NAT2: variants seen among roughly 807,000 people sequenced by gnomAD.
NAT2 encodes N-acetyltransferase 2.
For synonymous variants in NAT2, 137 were observed against 125.9 expected, an observed-to-expected ratio of 1.09 and a Z score of -0.59; for missense variants, 428 against 339.1, an observed-to-expected ratio of 1.26 and a Z score of -2.06.
upstream of NAT2, among the ~76,000 whole-genome samples, chr8:18,386,464 G>A (rs1345050798): frequency 6.6e-6 from 1 of 152,156 alleles, no homozygotes; most frequent in East Asian, 1.9e-4. Context: ...ATAAAAGAAT[G>A]AGACTCAAAC....
chr8:18,389,071 A>C (rs1800553802), upstream of NAT2, among the ~76,000 whole-genome samples: 2 of 152,130 alleles, frequency 1.3e-5, no homozygotes, highest in South Asian at 2.1e-4. Context: ...TCCTCATCTC[A>C]TAGTTTCCCA....
At chr8:18,387,328 A>C (rs1469542217), upstream of NAT2, 1 of 151,926 alleles carries the variant, frequency 6.6e-6, no homozygotes, top group East Asian at 1.9e-4. Context: ...GGCGTTCCGG[A>C]TTGTCGCGCC....
chr8:18,386,669 A>G (rs1278395521), upstream of NAT2, among the ~76,000 whole-genome samples: 3 of 152,094 alleles, frequency 2.0e-5, no homozygotes, highest in African/African-American at 7.2e-5. Context: ...GCCCCTGTGA[A>G]CACGGGCAGG....
In NAT2 at chr8:18,400,298, A is replaced by G. The variant is rs764673578; in HGVS notation, c.295A>G (p.Asn99Asp). 1 of 1,613,792 alleles carries G rather than the reference A, an allele frequency of 6.2e-7. No individual in the cohort carries two copies. The highest frequency in any genetic ancestry group is 8.5e-7 in the Non-Finnish European group (1 of 1,179,866). Residue 99 changes from asparagine to aspartate, a missense_variant, in exon 2 of 2, where the codon AAC (asparagine) becomes GAC (aspartate). By Grantham distance (23) the Asn-to-Asp change is conservative. Transcript: ENST00000286479. ...AGGGTATTTTTACATCCCTCCAGTT[A>G]ACAAATACAGCACTGGCATGGTTCA... is the stretch of plus-strand genomic sequence containing the variant. ...LGGYFYIPPV[N>D]KYSTGMVHLL...
intron 1 of NAT2, among the ~76,000 whole-genome samples, chr8:18,395,951 C>CT (rs33992151): frequency 0.48 from 63,902 of 134,390 alleles, 15,051 homozygotes; most frequent in East Asian, 0.7. Flanking sequence ...CCCAACCCAT[C>CT]TTTTTTTTTT....
chr8:18,395,116 T>C (rs993214445), intron 1 of NAT2, among the ~76,000 whole-genome samples: 6 of 152,332 alleles, frequency 3.9e-5, no homozygotes, highest in African/African-American at 1.2e-4. Context: ...CTGTTAGATA[T>C]TGGGTGAGCA....
rs185257970 is a variant in NAT2 at position 18,401,029 on chromosome 8, A to G, written c.*153A>G. ...TCCATAAAAATGTCAGCATTTATTAAAAAACAATAACTTTTTAAAGAAACA... is the reference window on the plus strand; with the variant it reads ...TCCATAAAAATGTCAGCATTTATTAGAAAACAATAACTTTTTAAAGAAACA... On this transcript the variant is annotated 3_prime_UTR_variant, in exon 2 of 2. Transcript: ENST00000286479. 101 of 524,236 alleles carry G rather than the reference A, an allele frequency of 1.9e-4. No individual in the cohort carries two copies. Among genetic ancestry groups the G allele is most frequent in the African/African-American group, 1.9e-3 (97 of 50,380 alleles). 32.5% of individuals were successfully genotyped at this position (524,236 alleles called of 1,614,324 possible).
upstream of NAT2, among the ~76,000 whole-genome samples, chr8:18,386,690 C>A (rs115728465): frequency 7.4e-3 from 1,121 of 152,182 alleles, 22 homozygotes; most frequent in African/African-American, 0.026. Flanking sequence ...GGAAGAAGGG[C>A]CAGTGATTGT....
upstream of NAT2, among the ~76,000 whole-genome samples, chr8:18,388,326 G>C (rs1021528589): frequency 4.6e-5 from 7 of 152,226 alleles, no homozygotes; most frequent in Non-Finnish European, 8.8e-5. Context: ...GTCTTTAACT[G>C]TCTGTCTCTT....
At chr8:18,392,683 C>T (rs1408279582) in intron 1 of NAT2, among the ~76,000 whole-genome samples, 2 of 152,194 alleles carry the variant, frequency 1.3e-5, no homozygotes, top group Non-Finnish European at 2.9e-5. Context: ...CAAGTTGACA[C>T]TCAATATTAA....
intron 1 of NAT2, among the ~76,000 whole-genome samples, chr8:18,394,841 C>G (rs915756892): frequency 2.0e-5 from 3 of 152,186 alleles, no homozygotes; most frequent in Non-Finnish European, 1.5e-5. Flanking sequence ...CAGATTCTAA[C>G]TGAATTTATG....
Position 18,400,519 on chromosome 8 carries a change from CAAAG to C in NAT2, c.519_522del (p.Lys173AsnfsTer32). On this transcript the variant is annotated frameshift_variant, in exon 2 of 2. Transcript: ENST00000286479. LOFTEE classifies it low-confidence loss of function (END_TRUNC). ...TCAGGAGAGAGCAGTATATTACAAA[CAAAG>C]AATTTCTTAATTCTCATCTCCTGCC... 1 of 1,613,148 alleles carries C rather than the reference CAAAG, an allele frequency of 6.2e-7. No individual in the cohort carries two copies. The highest frequency in any genetic ancestry group is 8.5e-7 in the Non-Finnish European group (1 of 1,179,756).
upstream of NAT2, among the ~76,000 whole-genome samples, chr8:18,388,493 T>G (rs1585133836): frequency 3.4e-5 from 1 of 29,382 alleles, no homozygotes; most frequent in Non-Finnish European, 6.8e-5. Context: ...AATGTTAAAG[T>G]AGATAATAAG....
At chr8:18,389,225 C>G (rs538764513), upstream of NAT2, among the ~76,000 whole-genome samples, 49 of 152,268 alleles carry the variant, frequency 3.2e-4, no homozygotes, top group Non-Finnish European at 6.3e-4. Flanking sequence ...AGAAAAATGA[C>G]CATAATCCAT....
chr8:18,391,702 AAT>A (rs1800594042), intron 1 of NAT2, among the ~76,000 whole-genome samples: 1 of 152,206 alleles, frequency 6.6e-6, no homozygotes, highest in Non-Finnish European at 1.5e-5. Flanking sequence ...TAATCCCCAA[AAT>A]ATATTTCTTT....
intron 1 of NAT2, among the ~76,000 whole-genome samples, chr8:18,395,070 C>T (rs899320364): frequency 1.3e-5 from 2 of 152,110 alleles, no homozygotes; most frequent in Non-Finnish European, 2.9e-5. Flanking sequence ...TTATTTCAGT[C>T]TTCTATTATT....
At chr8:18,389,300 T>C (rs1800556523), upstream of NAT2, among the ~76,000 whole-genome samples, 1 of 152,222 alleles carries the variant, frequency 6.6e-6, no homozygotes, top group South Asian at 2.1e-4. Context: ...GCTGGAATTA[T>C]TTCCTCTGCT....
Position 18,400,960 on chromosome 8 carries a change from C to A in NAT2, c.*84C>A. 1 of 962,090 alleles carries A rather than the reference C, an allele frequency of 1.0e-6. No homozygotes were observed. The highest frequency in any genetic ancestry group is 1.5e-6 in the Non-Finnish European group (1 of 685,496). 59.6% of individuals were successfully genotyped at this position (962,090 alleles called of 1,614,324 possible). The stretch of plus-strand genomic sequence containing the variant: ...ATGTGCTATCAGATATCCTCTCTAC[C>A]CTCACGTTATTTTGAAGAAAATCCT... On this transcript the variant is annotated 3_prime_UTR_variant, in exon 2 of 2. Coordinates refer to ENST00000286479, the MANE Select transcript of NAT2 (RefSeq NM_000015.3).
chr8:18,393,001 G>T (rs1290159185), intron 1 of NAT2, among the ~76,000 whole-genome samples: 1 of 152,018 alleles, frequency 6.6e-6, no homozygotes, highest in African/African-American at 2.4e-5. Flanking sequence ...AAACAGGAGA[G>T]GGTATGGCTG....
Sources: gnomAD v4.1 joint callset for allele counts (sites outside exome capture counted in the v4.1 genomes callset) on GRCh38, gnomAD v4.1.1 for gene constraint, MANE v1.5 for transcripts, NCBI Gene and HGNC (gene_info 2026-07-23, HGNC 2026-07-21) for gene names.